The following LARGE1 variants were observed in gnomAD, a reference collection of about 807,000 sequenced individuals.
LARGE1 encodes LARGE xylosyl- and glucuronyltransferase 1.
Under a neutral mutation model 87.6 loss-of-function variants are expected in LARGE1, and 43 were observed. That is an observed-to-expected ratio of 0.49 (90% CI 0.38 to 0.63). The LOEUF (loss-of-function observed/expected upper bound fraction) is 0.63, where lower values mean the gene tolerates loss of function less well. Ranked by LOEUF, LARGE1 falls within the 30% of genes least tolerant of loss-of-function variation. The pLI is 0.00. For missense variants in LARGE1, 802 were observed against 1,000.2 expected (o/e 0.80, Z 2.67); for synonymous variants, 434 against 394.6 (o/e 1.10, Z -1.18).
At chr22:33,483,639 A>G (rs958434242) in intron 6 of LARGE1, among the ~76,000 whole-genome samples, 2 of 152,184 alleles carry the variant, frequency 1.3e-5, no homozygotes, top group Non-Finnish European at 2.9e-5. Context: ...GTCGGGCTGC[A>G]TTAATGAATG....
intron 6 of LARGE1, among the ~76,000 whole-genome samples, chr22:33,434,263 T>A (rs1415440520): frequency 1.3e-5 from 2 of 152,162 alleles, no homozygotes; most frequent in African/African-American, 4.8e-5. Flanking sequence ...TACCTAATTA[T>A]TAAGATAATT....
chr22:33,486,540 G>A lies in LARGE1; in HGVS notation c.788-54275C>T, dbSNP rs994738796. ...AGACAGAGAGAGAGACAGAGAGAGA[G>A]AGAGAGGAGAGCGCACACCAGGGAA... is the stretch of plus-strand genomic sequence containing the variant. On this transcript the variant is annotated intron_variant, in intron 6 of 14. Coordinates refer to ENST00000397394, the MANE Select transcript of LARGE1 (RefSeq NM_133642.5). 2.0e-5 allele frequency among the ~76,000 whole-genome samples: 3 copies of A among 152,266 alleles called. No homozygotes were observed. In the East Asian group the frequency reaches 5.8e-4, roughly 29 times the overall value.
intron 1 of LARGE1, among the ~76,000 whole-genome samples, chr22:33,771,256 G>C (rs377253644): frequency 6.7e-6 from 1 of 148,364 alleles, no homozygotes; most frequent in African/African-American, 2.5e-5. Flanking sequence ...GTAAGTACTC[G>C]CCCCTCCCTT....
rs568059405 is a variant in LARGE1, at chr22:33,358,246, G to A, written c.1132-20445C>T. Reference sequence around the variant, plus strand: ...GGCACTGGCCTGAAGTGAAAGAGAAGTCTGACTAGAAGGTAGTAATTCGAG... The same window carrying A: ...GGCACTGGCCTGAAGTGAAAGAGAAATCTGACTAGAAGGTAGTAATTCGAG... On this transcript the variant is annotated intron_variant, in intron 9 of 14. Coordinates refer to ENST00000397394, the MANE Select transcript of LARGE1 (RefSeq NM_133642.5). Among the ~76,000 whole-genome samples, 104 of 152,208 alleles carry A rather than the reference G, an allele frequency of 6.8e-4. 2 individuals are homozygous for A. In the South Asian group the frequency reaches 8.9e-3, roughly 13 times the overall value.
intron 6 of LARGE1, among the ~76,000 whole-genome samples, chr22:33,553,719 G>A (rs976069077): frequency 3.9e-4 from 59 of 152,234 alleles, no homozygotes; most frequent in African/African-American, 1.3e-3. Context: ...ACACCCCGAC[G>A]TTGCAAAGAT....
intron 2 of LARGE1, among the ~76,000 whole-genome samples, chr22:33,655,392 G>C (rs1052940490): frequency 6.6e-6 from 1 of 152,128 alleles, no homozygotes; most frequent in Non-Finnish European, 1.5e-5. Context: ...TGAATCACCA[G>C]ATCTTCCTGG....
chr22:33,582,164 C>T (rs2078540451), intron 5 of LARGE1, among the ~76,000 whole-genome samples: 1 of 152,098 alleles, frequency 6.6e-6, no homozygotes, highest in Non-Finnish European at 1.5e-5. Flanking sequence ...GGGGCAGAGG[C>T]AAGGAATGCC....
intron 1 of LARGE1, among the ~76,000 whole-genome samples, chr22:33,863,923 C>G (rs927238336): frequency 2.6e-5 from 4 of 152,192 alleles, no homozygotes; most frequent in Non-Finnish European, 5.9e-5. Context: ...CACTTGAAGG[C>G]AAAGTCATTA....
At chr22:33,712,854 T>G (rs1012253429) in intron 2 of LARGE1, among the ~76,000 whole-genome samples, 1 of 152,186 alleles carries the variant, frequency 6.6e-6, no homozygotes, top group Non-Finnish European at 1.5e-5. Context: ...TGGTGCGGAC[T>G]CTGTGCCTTA....
At chr22:33,230,004 CTTTTTTTTT>C (rs557120175) in intron 11 of LARGE1, among the ~76,000 whole-genome samples, 1 of 81,136 alleles carries the variant, frequency 1.2e-5, no homozygotes, top group Admixed American at 1.6e-4. Context: ...TTTCAAAGTT[CTTTTTTTTT>C]TTTTTTTTTT....
chr22:33,682,208 G>A (rs994109686), intron 2 of LARGE1, among the ~76,000 whole-genome samples: 3 of 152,178 alleles, frequency 2.0e-5, no homozygotes, highest in Admixed American at 2.0e-4. Flanking sequence ...TACTCCTCCA[G>A]TTCATGCAGG....
intron 6 of LARGE1, among the ~76,000 whole-genome samples, chr22:33,521,698 A>G (rs1420591407): frequency 1.3e-5 from 2 of 152,206 alleles, no homozygotes; most frequent in African/African-American, 2.4e-5. Context: ...AAACACATAT[A>G]CATACACCAC....
At chr22:33,171,398 A>G (rs1922562677) in intron 11 of LARGE1, among the ~76,000 whole-genome samples, 1 of 152,254 alleles carries the variant, frequency 6.6e-6, no homozygotes, top group African/African-American at 2.4e-5. Context: ...ACTGAATGTT[A>G]ATAGCCAAGA....
intron 7 of LARGE1, among the ~76,000 whole-genome samples, chr22:33,415,130 C>T (rs1033973525): frequency 6.6e-5 from 10 of 152,270 alleles, no homozygotes; most frequent in African/African-American, 2.4e-4. Context: ...AGGAGGAGCA[C>T]CCAGCACCCT....
chr22:33,215,793 T>C (rs1229531078), intron 11 of LARGE1, among the ~76,000 whole-genome samples: 1 of 152,150 alleles, frequency 6.6e-6, no homozygotes, highest in East Asian at 1.9e-4. Flanking sequence ...CCGTCTCTAC[T>C]AAAAATACAA....
chr22:33,150,186 G>A, the LARGE1 span, among the ~76,000 whole-genome samples: 5 of 152,086 alleles, frequency 3.3e-5, no homozygotes, highest in Non-Finnish European at 5.9e-5. Context: ...TGAGACACCA[G>A]GCCTCTTGTT....
intron 9 of LARGE1, among the ~76,000 whole-genome samples, chr22:33,349,073 T>G (rs981789947): frequency 2.0e-5 from 3 of 152,166 alleles, no homozygotes; most frequent in Non-Finnish European, 4.4e-5. Flanking sequence ...GTGAGTCCAT[T>G]AAACCTCTTT....
chr22:33,576,103 C>T (rs1484703804), intron 5 of LARGE1, among the ~76,000 whole-genome samples: 6 of 152,180 alleles, frequency 3.9e-5, no homozygotes, highest in Admixed American at 3.9e-4. Context: ...GCTGCGTAGC[C>T]TGATCTTAAT....
At chr22:33,703,500 A>C (rs900029991) in intron 2 of LARGE1, among the ~76,000 whole-genome samples, 1 of 152,242 alleles carries the variant, frequency 6.6e-6, no homozygotes, top group African/African-American at 2.4e-5. Context: ...TGTAGGTATG[A>C]TTAAAGACCT....
Sources: gnomAD v4.1 joint callset for allele counts (sites outside exome capture counted in the v4.1 genomes callset) on GRCh38, gnomAD v4.1.1 for gene constraint, MANE v1.5 for transcripts, NCBI Gene and HGNC (gene_info 2026-07-23, HGNC 2026-07-21) for gene names.